Variants in FAM185A observed in about 807,000 individuals in gnomAD.
The protein encoded by FAM185A is family with sequence similarity 185 member A, also known as protein FAM185A.
Under a neutral mutation model 45.7 loss-of-function variants are expected in FAM185A, and 21 were observed. The ratio of observed to expected loss-of-function variants is 0.46; its 90% CI spans 0.33 to 0.66. The LOEUF (loss-of-function observed/expected upper bound fraction) is 0.66. FAM185A is among the 30% of genes least tolerant of loss of function. The probability of loss-of-function intolerance (pLI) is 0.03; values close to 1 mark genes in which losing one functional copy is unlikely to be tolerated. For missense variants in FAM185A, 305 were observed against 485.4 expected (o/e 0.63, Z 3.49); for synonymous variants, 117 against 194.0 (o/e 0.60, Z 3.30).
the FAM185A span, among the ~76,000 whole-genome samples, chr7:102,837,685 A>G: frequency 6.6e-6 from 1 of 152,034 alleles, no homozygotes; most frequent in Non-Finnish European, 1.5e-5. Context: ...CCTTCCACAT[A>G]TGTGCATGCT....
chr7:102,767,004 C>T (rs1468847544), intron 4 of FAM185A, among the ~76,000 whole-genome samples: 12 of 152,060 alleles, frequency 7.9e-5, no homozygotes, highest in Non-Finnish European at 1.5e-4. Context: ...CCATGTTGGC[C>T]AGGTTGGTCT....
At chr7:102,793,281 G>A (rs1235444948) in intron 7 of FAM185A, among the ~76,000 whole-genome samples, 3 of 151,984 alleles carry the variant, frequency 2.0e-5, no homozygotes, top group Non-Finnish European at 4.4e-5. Flanking sequence ...GCACCATCTC[G>A]GCTCACTGCA....
chr7:102,796,921 A>T (rs1796465162), intron 7 of FAM185A, among the ~76,000 whole-genome samples: 2 of 152,220 alleles, frequency 1.3e-5, no homozygotes. Flanking sequence ...GAGATTAGAC[A>T]TTACAGAAGA....
chr7:102,798,470 T>G (rs930753948), intron 7 of FAM185A, among the ~76,000 whole-genome samples: 14 of 152,190 alleles, frequency 9.2e-5, no homozygotes, highest in African/African-American at 3.4e-4. Context: ...TTGTGTGTTC[T>G]TTTTCTTGAG....
At chr7:102,804,220 G>GC (rs762005249) in intron 7 of FAM185A, among the ~76,000 whole-genome samples, 3 of 152,142 alleles carry the variant, frequency 2.0e-5, no homozygotes, top group Non-Finnish European at 4.4e-5. Context: ...GAGTCCCATA[G>GC]CCAAAGCAAG....
chr7:102,834,966 C>T, the FAM185A span, among the ~76,000 whole-genome samples: 1 of 150,904 alleles, frequency 6.6e-6, no homozygotes, highest in African/African-American at 2.4e-5. Flanking sequence ...TTTTATTTGT[C>T]AGTTAAAAAT....
the FAM185A span, chr7:102,821,938 C>G: frequency 8.0e-7 from 1 of 1,255,796 alleles, no homozygotes; most frequent in Non-Finnish European, 1.1e-6. Flanking sequence ...ATGAAACTTC[C>G]TAACACTGAA....
At chr7:102,844,348 C>T in the FAM185A span, among the ~76,000 whole-genome samples, 1 of 152,162 alleles carries the variant, frequency 6.6e-6, no homozygotes, top group Non-Finnish European at 1.5e-5. Context: ...AGAAATAAAA[C>T]TGCACAGGAC....
At chr7:102,806,271 G>A (rs1797106737) in intron 7 of FAM185A, among the ~76,000 whole-genome samples, 2 of 151,948 alleles carry the variant, frequency 1.3e-5, no homozygotes, top group Admixed American at 1.3e-4. Flanking sequence ...TGCAGCCTCC[G>A]CCTCCAAGGT....
chr7:102,772,697 A>C (rs1359765877), intron 5 of FAM185A, among the ~76,000 whole-genome samples: 2 of 152,036 alleles, frequency 1.3e-5, no homozygotes, highest in African/African-American at 2.4e-5. Flanking sequence ...AAAGAAAGAA[A>C]AAAAGATCTT....
the FAM185A span, among the ~76,000 whole-genome samples, chr7:102,822,864 G>T: frequency 6.6e-6 from 1 of 152,164 alleles, no homozygotes; most frequent in African/African-American, 2.4e-5. Context: ...CTTGAACCCA[G>T]TTCGAGACCA....
downstream of FAM185A, among the ~76,000 whole-genome samples, chr7:102,810,117 G>A (rs1412515383): frequency 6.6e-6 from 1 of 152,146 alleles, no homozygotes; most frequent in African/African-American, 2.4e-5. Context: ...AACCTCGTGA[G>A]TCAATTAAAC....
chr7:102,790,542 G>C (rs1426633969), intron 7 of FAM185A, among the ~76,000 whole-genome samples: 1 of 152,150 alleles, frequency 6.6e-6, no homozygotes, highest in South Asian at 2.1e-4. Flanking sequence ...CTGAATCATA[G>C]CATAACCAAA....
downstream of FAM185A, among the ~76,000 whole-genome samples, chr7:102,813,044 T>G (rs947482555): frequency 3.3e-5 from 5 of 152,096 alleles, no homozygotes; most frequent in African/African-American, 1.2e-4. Context: ...GGTTTCACCA[T>G]GTTGGCCAGG....
chr7:102,751,553 A>G (rs1223840979), intron 1 of FAM185A, 139 bp from the exon 2 acceptor site: 1 of 920,324 alleles, frequency 1.1e-6, no homozygotes, highest in East Asian at 3.1e-5. Context: ...GTGGTAGAAG[A>G]CCCCTTACCT....
At chr7:102,771,010 A>G (rs1380679271) in intron 4 of FAM185A, among the ~76,000 whole-genome samples, 1 of 152,250 alleles carries the variant, frequency 6.6e-6, no homozygotes, top group Non-Finnish European at 1.5e-5. Flanking sequence ...CATATACACC[A>G]TGGAATACTA....
chr7:102,762,554 G>T (rs1794172991), intron 4 of FAM185A, among the ~76,000 whole-genome samples: 1 of 152,184 alleles, frequency 6.6e-6, no homozygotes, highest in South Asian at 2.1e-4. Flanking sequence ...CTGGATATTG[G>T]TATCTGTACA....
chr7:102,815,715 T>C, the FAM185A span, among the ~76,000 whole-genome samples: 2 of 152,078 alleles, frequency 1.3e-5, no homozygotes, highest in South Asian at 4.1e-4. Context: ...CATCTTACCT[T>C]AATGTCAGAA....
At chr7:102,848,797 G>A in the FAM185A span, among the ~76,000 whole-genome samples, 38 of 151,996 alleles carry the variant, frequency 2.5e-4, no homozygotes, top group Non-Finnish European at 4.9e-4. Flanking sequence ...TCAGGAGTTC[G>A]AGACCAGTCT....
Sources: gnomAD v4.1 joint callset for allele counts (sites outside exome capture counted in the v4.1 genomes callset) on GRCh38, gnomAD v4.1.1 for gene constraint, MANE v1.5 for transcripts, NCBI Gene and HGNC (gene_info 2026-07-23, HGNC 2026-07-21) for gene names.